Variants in GAB3 observed in about 807,000 individuals in gnomAD.
The protein encoded by GAB3 is GRB2 associated binding protein 3.
In GAB3, 12 loss-of-function variants were observed where a neutral mutation model predicts 40.4. The ratio of observed to expected loss-of-function variants is 0.30; its 90% CI spans 0.19 to 0.48. The LOEUF is 0.48. Ranked by LOEUF, GAB3 falls within the 20% of genes least tolerant of loss-of-function variation. The pLI is 0.99. For missense variants in GAB3, 381 were observed against 461.9 expected (o/e 0.82, Z 1.61); for synonymous variants, 154 against 176.7 (o/e 0.87, Z 1.02).
At chrX:154,722,191 A>G (rs2071141883) in intron 1 of GAB3, among the ~76,000 whole-genome samples, 1 of 111,654 alleles carries the variant, frequency 9.0e-6, no homozygotes, top group Non-Finnish European at 1.9e-5. Context: ...AGACACAGAA[A>G]GACAAATACT....
At chrX:154,697,482 A>T (rs57522968) in intron 6 of GAB3, among the ~76,000 whole-genome samples, 10,178 of 111,782 alleles carry the variant, frequency 0.091, 1,187 homozygotes, top group African/African-American at 0.32. Flanking sequence ...TAGGTGTCGA[A>T]GGCACAGGAT....
At chrX:154,680,806 T>C (rs1204715428) in intron 8 of GAB3, among the ~76,000 whole-genome samples, 2 of 112,540 alleles carry the variant, frequency 1.8e-5, no homozygotes, top group Admixed American at 1.9e-4. Context: ...TTTATGAGTA[T>C]GCAAGTATCC....
chrX:154,684,929 T>C (rs2148413411), intron 8 of GAB3, among the ~76,000 whole-genome samples: 1 of 111,775 alleles, frequency 8.9e-6, no homozygotes, highest in South Asian at 3.7e-4. Flanking sequence ...TACAAATATT[T>C]GACCTTCTTA....
At chrX:154,725,275 C>T (rs942074176) in intron 1 of GAB3, among the ~76,000 whole-genome samples, 1 of 111,820 alleles carries the variant, frequency 8.9e-6, no homozygotes, top group Non-Finnish European at 1.9e-5. Context: ...GAAACTAATA[C>T]ACTCTGCAAC....
At chrX:154,703,995 C>T (rs2070772825) in intron 4 of GAB3, among the ~76,000 whole-genome samples, 1 of 111,614 alleles carries the variant, frequency 9.0e-6, no homozygotes, top group South Asian at 3.7e-4. Context: ...AACCAAAGTG[C>T]CCATCGACAG....
intron 6 of GAB3, among the ~76,000 whole-genome samples, chrX:154,698,823 CATGCACAGAACG>C (rs1273970775): frequency 8.9e-6 from 1 of 112,052 alleles, no homozygotes; most frequent in Non-Finnish European, 1.9e-5. Context: ...TGCTGACGGG[CATGCACAGAACG>C]ATGAGTGATA....
At position 154,699,387 on chromosome X, in the gene GAB3, T is replaced by C. The variant is rs781969249; in HGVS notation, c.1252A>G (p.Met418Val). 5.8e-6 allele frequency: 7 copies of C among 1,209,158 alleles called. No individual in the cohort carries two copies. In the East Asian group the frequency reaches 1.5e-4, roughly 26 times the overall value. Residue 418 changes from methionine to valine, a missense_variant, in exon 6 of 10, where the codon ATG becomes GTG. Met to Val is a conservative substitution (Grantham distance 21). Around this residue, in one of 2 missense-constraint regions of GAB3, gnomAD observed 364 missense variants for 421.0 expected, o/e 0.86. Coordinates refer to ENST00000424127, the MANE Select transcript of GAB3 (RefSeq NM_001081573.3). ...GGGCTTGAGATGCTTCCTGAGTTCATTGGAATGTAGTCATCAGGGCTGCAG... is the reference window on the plus strand; with the variant it reads ...GGGCTTGAGATGCTTCCTGAGTTCACTGGAATGTAGTCATCAGGGCTGCAG... ...PHCSPDDYIP[M>V]NSGSISSPLP...
At chrX:154,727,534 C>T (rs1243000438) in intron 1 of GAB3, among the ~76,000 whole-genome samples, 1 of 112,606 alleles carries the variant, frequency 8.9e-6, no homozygotes, top group Admixed American at 9.4e-5. Context: ...TCAGTAAATA[C>T]TTGTTGAATG....
chrX:154,681,435 GTT>G (rs67404624), intron 8 of GAB3, among the ~76,000 whole-genome samples: 7 of 100,892 alleles, frequency 6.9e-5, no homozygotes, highest in South Asian at 4.3e-4. Context: ...TGTTTTTTGG[GTT>G]TTTTTTTTTG....
At chrX:154,686,752 C>T (rs1180665131) in intron 8 of GAB3, among the ~76,000 whole-genome samples, 1 of 109,708 alleles carries the variant, frequency 9.1e-6, no homozygotes, top group Non-Finnish European at 1.9e-5. Flanking sequence ...CTATATACCA[C>T]CAATGGGTCA....
rs1222620815 is a variant in GAB3, at chrX:154,724,245, G to A, written c.73-7916C>T. The stretch of plus-strand genomic sequence containing the variant: ...ACCTGTAATCCCAACTACTCAGGAG[G>A]CTGAGGCAGAATTGCTTGAACCCAG... On this transcript the variant is annotated intron_variant, in intron 1 of 9. Transcript: ENST00000424127. Among the ~76,000 whole-genome samples, 6 of 110,106 alleles carry A rather than the reference G, an allele frequency of 5.4e-5. No homozygotes were observed. The Admixed American group carries it at 5.8e-4, about 11-fold the overall frequency.
intron 1 of GAB3, among the ~76,000 whole-genome samples, chrX:154,748,259 G>A (rs1266650080): frequency 1.8e-5 from 2 of 111,757 alleles, no homozygotes; most frequent in East Asian, 5.6e-4. Context: ...AAAGCAAATT[G>A]CAGGACCGTT....
chrX:154,749,396 G>C (rs2071577604), intron 1 of GAB3, among the ~76,000 whole-genome samples: 1 of 112,590 alleles, frequency 8.9e-6, no homozygotes, highest in Admixed American at 9.3e-5. Flanking sequence ...CATTCCAAAG[G>C]ACAACAAGGA....
intron 6 of GAB3, among the ~76,000 whole-genome samples, chrX:154,697,581 T>A (rs2070680376): frequency 8.9e-6 from 1 of 111,931 alleles, no homozygotes; most frequent in South Asian, 3.8e-4. Flanking sequence ...ATGTTACCTT[T>A]CTTATCACAG....
chrX:154,741,209 T>C (rs1246681330), intron 1 of GAB3, among the ~76,000 whole-genome samples: 1 of 112,047 alleles, frequency 8.9e-6, no homozygotes, highest in South Asian at 3.7e-4. Flanking sequence ...CCACCATGAT[T>C]GTGAAGCCTC....
intron 8 of GAB3, among the ~76,000 whole-genome samples, chrX:154,686,304 C>T (rs908175224): frequency 9.2e-6 from 1 of 109,099 alleles, no homozygotes; most frequent in African/African-American, 3.3e-5. Context: ...CTAGAGAATA[C>T]AAGACTGGCT....
chrX:154,690,985 A>G (rs1417126432), intron 8 of GAB3, among the ~76,000 whole-genome samples: 3 of 110,575 alleles, frequency 2.7e-5, no homozygotes, highest in African/African-American at 1.0e-4. Context: ...TTATTGCAGC[A>G]TTATTCACAA....
intron 8 of GAB3, 118 bp downstream of exon 8, chrX:154,695,799 C>A: frequency 2.4e-6 from 1 of 408,698 alleles, no homozygotes; most frequent in Non-Finnish European, 4.3e-6. Flanking sequence ...GTTTTACGAT[C>A]AAGTGGTTGT....
intron 8 of GAB3, among the ~76,000 whole-genome samples, chrX:154,690,586 C>A (rs1443087682): frequency 8.9e-6 from 1 of 112,040 alleles, no homozygotes; most frequent in African/African-American, 3.3e-5. Context: ...AAACAAACAA[C>A]CCCATCAAAA....
Sources: gnomAD v4.1 joint callset for allele counts (sites outside exome capture counted in the v4.1 genomes callset) on GRCh38, gnomAD v4.1.1 for gene constraint, gnomAD v4.1.1 regional missense constraint, MANE v1.5 for transcripts, NCBI Gene and HGNC (gene_info 2026-07-23, HGNC 2026-07-21) for gene names.